Variants in CCDC92B observed in about 807,000 individuals in gnomAD.
CCDC92B encodes the protein coiled-coil domain containing 92B, also known as coiled-coil domain-containing 92B.
CCDC92B carries 2 observed loss-of-function variants against 5.6 expected under a neutral mutation model. That is an observed-to-expected ratio of 0.36 (90% confidence interval 0.15 to 1.12). The LOEUF is 1.12. CCDC92B is among the 50% of genes most tolerant of loss of function. The probability of loss-of-function intolerance (pLI) is 0.40; values close to 1 mark genes in which losing one functional copy is unlikely to be tolerated. For synonymous variants in CCDC92B, 115 were observed against 122.3 expected (o/e 0.94, Z 0.39); for missense variants, 271 against 262.2 (o/e 1.03, Z -0.23).
At position 2,724,161 on chromosome 17, in the gene CCDC92B, C is replaced by T. The variant is rs937850646; in HGVS notation, c.*250G>A. On this transcript the variant is annotated 3_prime_UTR_variant, in exon 4 of 4. Coordinates refer to ENST00000614400, the MANE Select transcript of CCDC92B (RefSeq NM_001355573.2). This position sits in a 1 kb window ranked among gnomAD's most constrained non-coding sequence, Gnocchi z 5.0. ...CCAGGATCGGGACGGCGAGTCCTCT[C>T]GGTAGAGAAGGTGCCCCCGCTCGGC... is the stretch of plus-strand genomic sequence containing the variant. 3.0e-6 allele frequency: 3 copies of T among 985,260 alleles called. No homozygotes were observed. In the African/African-American group the frequency reaches 5.2e-5, roughly 17 times the overall value. 61.0% of individuals were successfully genotyped at this position (985,260 alleles called of 1,614,324 possible).
chr17:2,729,519 T>C (rs1041869209), intron 3 of CCDC92B, among the ~76,000 whole-genome samples: 1 of 137,642 alleles, frequency 7.3e-6, no homozygotes, highest in African/African-American at 2.6e-5. Context: ...AAAAAATTAC[T>C]GTGTCCCTCC....
intron 1 of CCDC92B, among the ~76,000 whole-genome samples, chr17:2,746,964 G>C (rs571854976): frequency 6.6e-6 from 1 of 152,156 alleles, no homozygotes; most frequent in African/African-American, 2.4e-5. Context: ...GAGCCACAGC[G>C]CCTGGCCTGC....
intron 3 of CCDC92B, 89 bp from the exon 4 acceptor site, chr17:2,725,089 C>T: frequency 1.0e-6 from 1 of 983,162 alleles, no homozygotes; most frequent in Non-Finnish European, 1.2e-6. Flanking sequence ...ACAAAACCCC[C>T]AGGCCGGGCG....
chr17:2,741,707 C>G (rs978738957), intron 1 of CCDC92B, among the ~76,000 whole-genome samples: 1 of 149,714 alleles, frequency 6.7e-6, no homozygotes, highest in Non-Finnish European at 1.5e-5. Flanking sequence ...ATTCTCCTGC[C>G]TCAGCCTCCC....
intron 2 of CCDC92B, among the ~76,000 whole-genome samples, chr17:2,733,335 C>T (rs541949011): frequency 3.3e-5 from 5 of 151,356 alleles, no homozygotes; most frequent in Admixed American, 3.3e-4. Context: ...TCTCGGCTCA[C>T]CGCAACCTCC....
Position 2,724,535 on chromosome 17 carries a change from T to G in CCDC92B, c.644A>C (p.Tyr215Ser), listed in dbSNP as rs2070700778. The G allele has an allele frequency of 1.0e-6, 1 of 981,488 alleles. No homozygotes were observed. Among genetic ancestry groups the G allele is most frequent in the African/African-American group, 1.8e-5 (1 of 56,454 alleles). The allele number at this position is 981,488 out of a possible 1,614,324, so 60.8% of individuals were successfully genotyped here. A position where few individuals can be genotyped will look rare whatever the true frequency, so the allele number is the denominator to read the frequency against. Reference sequence around the variant, plus strand: ...GCTGGGCCGCAGCGGCCTGCGTGCATAGAGGAAGAGCGCGGGGTCGGGCAT... The same window carrying G: ...GCTGGGCCGCAGCGGCCTGCGTGCAGAGAGGAAGAGCGCGGGGTCGGGCAT... ...DPMPDPALFLYARRPLRPSAR... is the reference protein window; with the variant it reads ...DPMPDPALFLSARRPLRPSAR... Residue 215 changes from tyrosine (Y) to serine (S), a missense_variant, in exon 4 of 4, where the codon TAT becomes TCT. Transcript: ENST00000614400. The surrounding 1 kb of genome is among the most constrained non-coding windows in gnomAD (Gnocchi z 5.0).
At chr17:2,725,687 G>A (rs1312246267) in intron 3 of CCDC92B, among the ~76,000 whole-genome samples, 1 of 151,948 alleles carries the variant, frequency 6.6e-6, no homozygotes, top group Non-Finnish European at 1.5e-5. Flanking sequence ...TGCATAGTGG[G>A]AGAGACATAG....
intron 1 of CCDC92B, among the ~76,000 whole-genome samples, chr17:2,744,583 T>C (rs1270691820): frequency 2.0e-5 from 3 of 151,432 alleles, no homozygotes; most frequent in East Asian, 3.9e-4. Flanking sequence ...CCTTAGTACC[T>C]AGCACAGTAT....
intron 1 of CCDC92B, among the ~76,000 whole-genome samples, chr17:2,748,745 C>T (rs2071018519): frequency 6.6e-6 from 1 of 152,228 alleles, no homozygotes; most frequent in Non-Finnish European, 1.5e-5. Context: ...ACCCCACATC[C>T]TTGGCTTTCC....
At chr17:2,745,588 A>G (rs2070976185) in intron 1 of CCDC92B, among the ~76,000 whole-genome samples, 1 of 152,086 alleles carries the variant, frequency 6.6e-6, no homozygotes, top group Admixed American at 6.6e-5. Flanking sequence ...GGTGGGAGAT[A>G]GAGTGGGGAA....
At chr17:2,728,477 G>A (rs1388689003) in intron 3 of CCDC92B, among the ~76,000 whole-genome samples, 4 of 152,126 alleles carry the variant, frequency 2.6e-5, no homozygotes, top group East Asian at 1.9e-4. Flanking sequence ...GTGGTGGCGG[G>A]CGCCTGTAGT....
rs1416215917 is a variant in CCDC92B at position 2,720,831 on chromosome 17, C to CA, written c.*3579dup. 1 of 152,230 alleles carries CA rather than the reference C, an allele frequency of 6.6e-6. No homozygotes were observed. 9.4% of individuals were successfully genotyped at this position (152,230 alleles called of 1,614,324 possible). A position where few individuals can be genotyped will look rare whatever the true frequency, so the allele number is the denominator to read the frequency against. ...TTCAGAGATTTTATTAAGAATAAGG[C>CA]ATATGACAGTCACCCCTAAAGCACA... On this transcript the variant is annotated 3_prime_UTR_variant, in exon 4 of 4. Transcript: ENST00000614400.
chr17:2,737,463 T>C (rs2070869823), intron 1 of CCDC92B, among the ~76,000 whole-genome samples: 1 of 140,356 alleles, frequency 7.1e-6, no homozygotes, highest in Non-Finnish European at 1.5e-5. Context: ...AAATAGGCCT[T>C]TCTTTTTTTT....
chr17:2,733,553 C>G (rs1278818714), intron 2 of CCDC92B, among the ~76,000 whole-genome samples: 3 of 151,862 alleles, frequency 2.0e-5, no homozygotes, highest in Non-Finnish European at 4.4e-5. Context: ...GCCACCGTGC[C>G]CAGCTCCTCT....
intron 3 of CCDC92B, among the ~76,000 whole-genome samples, chr17:2,728,879 A>G (rs2070766118): frequency 6.6e-6 from 1 of 152,246 alleles, no homozygotes; most frequent in Non-Finnish European, 1.5e-5. Flanking sequence ...TCATGCATGA[A>G]TACACAAAGC....
chr17:2,737,576 G>A (rs544510003), intron 1 of CCDC92B, among the ~76,000 whole-genome samples: 17 of 133,528 alleles, frequency 1.3e-4, no homozygotes, highest in African/African-American at 3.6e-4. Flanking sequence ...CCAAGTTCAC[G>A]CCATTCTGCC....
At chr17:2,741,595 C>CTT (rs61510422) in intron 1 of CCDC92B, among the ~76,000 whole-genome samples, 2,102 of 134,486 alleles carry the variant, frequency 0.016, 29 homozygotes, top group Non-Finnish European at 0.024. Flanking sequence ...AGGAGAATCT[C>CTT]TTTTTTTTTT....
intron 3 of CCDC92B, among the ~76,000 whole-genome samples, chr17:2,729,042 A>T (rs890249448): frequency 3.3e-5 from 5 of 150,934 alleles, no homozygotes; most frequent in African/African-American, 4.9e-5. Context: ...TTTTAATATT[A>T]AAAAAAAATG....
chr17:2,733,744 C>CTTTTTTT lies in CCDC92B; in HGVS notation c.130+1265_130+1271dup, dbSNP rs386385447. Among the ~76,000 whole-genome samples, 80 of 49,326 alleles carry CTTTTTTT rather than the reference C, an allele frequency of 1.6e-3. 17 individuals are homozygous for CTTTTTTT. The highest frequency in any genetic ancestry group is 5.9e-3 in the African/African-American group (68 of 11,564). 32.4% of individuals were successfully genotyped at this position (49,326 alleles called of 152,430 possible). On this transcript the variant is annotated intron_variant, in intron 2 of 3. Transcript: ENST00000614400. ...GTGATGGCTGAATCAGGACCACTGGCTTTTTTTTTTTTTTTTTTTTTTTTT... is the reference window on the plus strand; with the variant it reads ...GTGATGGCTGAATCAGGACCACTGGCTTTTTTTTTTTTTTTTTTTTTTTTTTTTTTTT...
Sources: gnomAD v4.1 joint callset for allele counts (sites outside exome capture counted in the v4.1 genomes callset) on GRCh38, gnomAD v4.1.1 for gene constraint, Gnocchi (gnomAD v3.1) non-coding constraint, MANE v1.5 for transcripts, NCBI Gene and HGNC (gene_info 2026-07-23, HGNC 2026-07-21) for gene names.